PNPLA7: variants seen among roughly 807,000 people sequenced by gnomAD.
PNPLA7 encodes the protein patatin like domain 7, lysophospholipase, also known as patatin-like phospholipase domain-containing protein 7.
Under a neutral mutation model 161.7 loss-of-function variants are expected in PNPLA7, and 153 were observed. The ratio of observed to expected loss-of-function variants is 0.95; its 90% CI spans 0.83 to 1.08. The LOEUF (loss-of-function observed/expected upper bound fraction) is 1.08. Among genes scored for constraint, PNPLA7 ranks in the 50% least tolerant of loss-of-function variants. The pLI, the probability that PNPLA7 is intolerant of heterozygous loss-of-function variation, is 0.00. For missense variants in PNPLA7, 1,739 were observed against 1,856.6 expected, an observed-to-expected ratio of 0.94 and a Z score of 1.16; for synonymous variants, 809 against 782.1, an observed-to-expected ratio of 1.03 and a Z score of -0.57.
In PNPLA7 at chr9:137,484,756, C is replaced by A. The variant is rs373868838; in HGVS notation, c.2198-20G>T. On this transcript the variant is annotated intron_variant, in intron 20 of 34. Coordinates refer to ENST00000406427, the MANE Select transcript of PNPLA7 (RefSeq NM_001098537.3). ...GGTGGCCTGTGGAGCAAAGGACCCA[C>A]GTCAGCTGGGACAGCCCACACGCTC... 22 of 1,590,078 alleles carry A rather than the reference C, an allele frequency of 1.4e-5. No individual in the cohort carries two copies. In the African/African-American group the frequency reaches 2.9e-4, roughly 21 times the overall value.
At chr9:137,477,597 C>T (rs373167049) in intron 25 of PNPLA7, among the ~76,000 whole-genome samples, 1 of 152,108 alleles carries the variant, frequency 6.6e-6, no homozygotes. Flanking sequence ...TACAGGTGCG[C>T]GCCACCACGC....
rs562684226 is a variant in PNPLA7, at chr9:137,486,638, G to A, written c.2198-1902C>T. 4.6e-5 allele frequency among the ~76,000 whole-genome samples: 7 copies of A among 151,874 alleles called. No individual in the cohort carries two copies. Among genetic ancestry groups the A allele is most frequent in the Admixed American group, 2.0e-4 (3 of 15,252 alleles). Reference sequence around the variant, plus strand: ...CACCTCCGGCCCCAGGCTCCTACCCGACCCACCAAAGCTCAGTCCCCGCCC... The same window carrying A: ...CACCTCCGGCCCCAGGCTCCTACCCAACCCACCAAAGCTCAGTCCCCGCCC... On this transcript the variant is annotated intron_variant, in intron 20 of 34. Coordinates refer to ENST00000406427, the MANE Select transcript of PNPLA7 (RefSeq NM_001098537.3). This position sits in a 1 kb window ranked among gnomAD's most constrained non-coding sequence, Gnocchi z 6.0.
intron 8 of PNPLA7, among the ~76,000 whole-genome samples, chr9:137,529,299 C>T (rs1835456456): frequency 6.6e-6 from 1 of 152,086 alleles, no homozygotes; most frequent in Non-Finnish European, 1.5e-5. Context: ...CCAGGCCAAC[C>T]TTCTGTTTTC....
intron 11 of PNPLA7, among the ~76,000 whole-genome samples, chr9:137,518,366 C>G (rs1398812262): frequency 7.3e-5 from 7 of 95,270 alleles, no homozygotes; most frequent in Non-Finnish European, 4.2e-5. Flanking sequence ...CCCACTCACT[C>G]ATTCCACTCT....
rs781273547 is a variant in PNPLA7, at chr9:137,515,517, G to A, written c.1087C>T (p.His363Tyr). 5 of 1,550,916 alleles carry A rather than the reference G, an allele frequency of 3.2e-6. No individual in the cohort carries two copies. The highest frequency in any genetic ancestry group is 2.7e-5 in the African/African-American group (2 of 73,464). The change falls in exon 12 of 35, where the codon CAC becomes TAC. Residue 363 changes from histidine (H) to tyrosine (Y), a missense_variant and splice_region_variant. This residue lies in a region of PNPLA7 where 481 missense variants were observed against 450.0 expected (regional missense o/e 1.07). Transcript: ENST00000406427. ...PRLQESCDSD[H>Y]GGGRPAAAGP... ...GCAGCTGCCGGGCGGCCGCCCCCGT[G>A]ATCTGCTGGGGAGGCAGCCGTAAGC... is the stretch of plus-strand genomic sequence containing the variant.
intron 22 of PNPLA7, 85 bp from the exon 23 acceptor site, chr9:137,480,565 G>A (rs1832165573): frequency 3.5e-6 from 5 of 1,443,344 alleles, no homozygotes; most frequent in Non-Finnish European, 4.6e-6. Context: ...AGGCAGCAGA[G>A]GCCAGCACCA....
At chr9:137,504,363 C>T (rs1320806482) in intron 14 of PNPLA7, among the ~76,000 whole-genome samples, 1 of 152,172 alleles carries the variant, frequency 6.6e-6, no homozygotes, top group African/African-American at 2.4e-5. Context: ...AGGCACGTGC[C>T]ATCACACCCA....
intron 24 of PNPLA7, chr9:137,478,746 C>T: frequency 6.6e-6 from 2 of 303,302 alleles, no homozygotes; most frequent in South Asian, 1.1e-4. Flanking sequence ...CTGAGCCCCC[C>T]TGACGTCAGG....
chr9:137,460,897 C>G, intron 33 of PNPLA7, 160 bp from the exon 34 acceptor site: 1 of 616,586 alleles, frequency 1.6e-6, no homozygotes, highest in Non-Finnish European at 2.9e-6. Flanking sequence ...CAGCCCTGCA[C>G]ACCACCCCTG....
intron 9 of PNPLA7, among the ~76,000 whole-genome samples, chr9:137,522,146 C>T (rs768465861): frequency 3.9e-5 from 6 of 152,238 alleles, no homozygotes; most frequent in African/African-American, 1.4e-4. Flanking sequence ...ACCATCTCGG[C>T]TCACTGCAAG....
rs1832732165 is a variant in PNPLA7 at position 137,490,927 on chromosome 9, C to G, written c.2197+2086G>C. Among the ~76,000 whole-genome samples, 1 of 152,176 alleles carries G rather than the reference C, an allele frequency of 6.6e-6. No individual in the cohort carries two copies. The highest frequency in any genetic ancestry group is 2.4e-5 in the African/African-American group (1 of 41,434). ...GATGAAGTGACTGAACAATGGTGAG[C>G]TCTCCACATTCCACTTAAAGTGCTG... On this transcript the variant is annotated intron_variant, in intron 20 of 34. Coordinates refer to ENST00000406427, the MANE Select transcript of PNPLA7 (RefSeq NM_001098537.3). The surrounding 1 kb of genome is among the most constrained non-coding windows in gnomAD (Gnocchi z 4.1).
rs540251160 is a variant in PNPLA7 at position 137,503,583 on chromosome 9, G to C, written c.1474-1856C>G. ...GAAGGAGGAGGAAGGAGAAGGAGAA[G>C]GAGGAGGGAGAAGGAGAAGGAGGAA... On this transcript the variant is annotated intron_variant, in intron 14 of 34. Coordinates refer to ENST00000406427, the MANE Select transcript of PNPLA7 (RefSeq NM_001098537.3). 1.1e-4 allele frequency among the ~76,000 whole-genome samples: 16 copies of C among 141,854 alleles called. No homozygotes were observed. The East Asian group carries it at 3.2e-3, about 29-fold the overall frequency. The allele number at this position is 141,854 out of a possible 152,430, so 93.1% of individuals were successfully genotyped here.
At chr9:137,504,412 A>C (rs1833802582) in intron 14 of PNPLA7, among the ~76,000 whole-genome samples, 1 of 152,204 alleles carries the variant, frequency 6.6e-6, no homozygotes, top group Non-Finnish European at 1.5e-5. Context: ...GAGTTTCACC[A>C]TGTTGGTCAG....
At position 137,462,111 on chromosome 9, in the gene PNPLA7, G is replaced by T. The variant is rs951607659; in HGVS notation, c.3645+68C>A. On this transcript the variant is annotated intron_variant, in intron 31 of 34. Transcript: ENST00000406427. ...CCACTTCCTGTGTTCTCAAAAGGGG[G>T]AAGCGAGGAGGGGCAGCCACCAGAG... 8 of 1,518,178 alleles carry T rather than the reference G, an allele frequency of 5.3e-6. No individual in the cohort carries two copies. The East Asian group carries it at 1.9e-4, about 37-fold the overall frequency. 94.0% of individuals were successfully genotyped at this position (1,518,178 alleles called of 1,614,324 possible).
intron 24 of PNPLA7, 41 bp from the exon 25 acceptor site, chr9:137,478,193 A>C: frequency 1.6e-6 from 2 of 1,253,680 alleles, no homozygotes; most frequent in East Asian, 6.3e-5. Context: ...GCAGGGCCCC[A>C]CCCTCGGCCG....
At chr9:137,518,929 A>C (rs1350013121) in intron 11 of PNPLA7, among the ~76,000 whole-genome samples, 1 of 89,986 alleles carries the variant, frequency 1.1e-5, no homozygotes. Context: ...CCACTCACTC[A>C]CTCCACTCTG....
At position 137,520,027 on chromosome 9, in the gene PNPLA7, G is replaced by C. The variant is rs1245028500; in HGVS notation, c.974C>G (p.Pro325Arg). 6.2e-7 allele frequency: 1 copy of C among 1,612,482 alleles called. No individual in the cohort carries two copies. Residue 325 changes from proline (P) to arginine (R), a missense_variant, in exon 11 of 35, where the codon CCT (proline) becomes CGT (arginine). Pro to Arg is a moderately radical substitution (Grantham distance 103). Coordinates refer to ENST00000406427, the MANE Select transcript of PNPLA7 (RefSeq NM_001098537.3). This position sits in a 1 kb window ranked among gnomAD's most constrained non-coding sequence, Gnocchi z 5.2. ...ELFNAESQAI[P>R]LVSVASVAAG... is the part of the protein sequence containing the mutation. ...AGCCACACTGGCTACAGACACGAGA[G>C]GGATGGCCTGGCTCTCCTGGGACAC... is the stretch of plus-strand genomic sequence containing the variant.
rs1302322494 is a variant in PNPLA7 at position 137,460,117 on chromosome 9, C to CG, written c.*275dup. 2 of 351,086 alleles carry CG rather than the reference C, an allele frequency of 5.7e-6. No homozygotes were observed. Among genetic ancestry groups the CG allele is most frequent in the African/African-American group, 2.2e-5 (1 of 46,210 alleles). 21.7% of individuals were successfully genotyped at this position (351,086 alleles called of 1,614,324 possible). On this transcript the variant is annotated 3_prime_UTR_variant, in exon 35 of 35. Transcript: ENST00000406427. Reference sequence around the variant, plus strand: ...GGCTTCGGGGGGCCTCACAGGGCTTCGGGGGGCCTCACAGGGCTGCAGGGG... The same window carrying CG: ...GGCTTCGGGGGGCCTCACAGGGCTTCGGGGGGGCCTCACAGGGCTGCAGGGG...
At chr9:137,472,734 A>G (rs1831765189) in intron 25 of PNPLA7, among the ~76,000 whole-genome samples, 1 of 150,604 alleles carries the variant, frequency 6.6e-6, no homozygotes, top group African/African-American at 2.4e-5. Flanking sequence ...AGGCGGGCAG[A>G]TCACGAGGTC....
Sources: allele counts gnomAD v4.1 joint callset (sites outside exome capture counted in the v4.1 genomes callset), GRCh38; gene constraint gnomAD v4.1.1; regional missense constraint gnomAD v4.1.1; non-coding constraint Gnocchi (gnomAD v3.1); transcripts MANE v1.5; gene names NCBI Gene and HGNC (gene_info 2026-07-23, HGNC 2026-07-21).